PEBP4: variants seen among roughly 807,000 people sequenced by gnomAD.
PEBP4 encodes the protein phosphatidylethanolamine binding protein 4, also known as phosphatidylethanolamine-binding protein 4.
A neutral mutation model predicts 23.9 loss-of-function variants in PEBP4; 22 were observed. The observed-to-expected ratio is 0.92, with a 90% CI of 0.66 to 1.31. The LOEUF is 1.31. PEBP4 is among the 40% of genes most tolerant of loss of function. PEBP4 has a pLI of 0.00. For missense variants in PEBP4, 324 were observed against 281.7 expected (o/e 1.15, Z -1.07); for synonymous variants, 112 against 99.3 (o/e 1.13, Z -0.76).
At chr8:22,924,215 T>A (rs1328796287) in intron 2 of PEBP4, among the ~76,000 whole-genome samples, 1 of 151,830 alleles carries the variant, frequency 6.6e-6, no homozygotes, top group Non-Finnish European at 1.5e-5. Flanking sequence ...AATAAGAAAC[T>A]TAGCCAGGTG....
chr8:22,783,971 GA>G (rs35422246), intron 4 of PEBP4, among the ~76,000 whole-genome samples: 14,168 of 152,276 alleles, frequency 0.093, 774 homozygotes, highest in African/African-American at 0.14. Context: ...ACCAGGAGGG[GA>G]AGAGATCACT....
intron 1 of PEBP4, among the ~76,000 whole-genome samples, chr8:22,935,859 G>C (rs2128783338): frequency 6.6e-6 from 1 of 152,144 alleles, no homozygotes; most frequent in Middle Eastern, 3.4e-3. Context: ...TTTTCGATAA[G>C]GGAAACAACT....
At chr8:22,765,116 T>C (rs367863982) in intron 4 of PEBP4, among the ~76,000 whole-genome samples, 23 of 145,008 alleles carry the variant, frequency 1.6e-4, no homozygotes, top group South Asian at 6.8e-4. Context: ...TTCCTTTATT[T>C]CTTCCTTCCT....
At chr8:22,789,372 G>A (rs1231963275) in intron 4 of PEBP4, among the ~76,000 whole-genome samples, 1 of 152,068 alleles carries the variant, frequency 6.6e-6, no homozygotes, top group East Asian at 1.9e-4. Context: ...AGCTCCTAGG[G>A]AAGTCTAGAC....
rs117566432 is a variant in PEBP4, at chr8:22,881,370, C to G, written c.258+38814G>C. 4.1e-3 allele frequency among the ~76,000 whole-genome samples: 629 copies of G among 152,298 alleles called. 1 individual carries two copies. Among genetic ancestry groups the G allele is most frequent in the Non-Finnish European group, 6.9e-3 (472 of 68,030 alleles). ...GTCCAAGGCTGGCCAACTTACAGACCTGGATGCAGACAGGCCAGAGCCCCT... is the reference window on the plus strand; with the variant it reads ...GTCCAAGGCTGGCCAACTTACAGACGTGGATGCAGACAGGCCAGAGCCCCT... On this transcript the variant is annotated intron_variant, in intron 3 of 6. Transcript: ENST00000256404.
intron 3 of PEBP4, among the ~76,000 whole-genome samples, chr8:22,909,631 GTGTACTGCAGGT>G (rs1025146950): frequency 1.3e-5 from 2 of 152,160 alleles, no homozygotes; most frequent in African/African-American, 4.8e-5. Flanking sequence ...GATGTTCGGG[GTGTACTGCAGGT>G]TGCTCTCCAC....
At chr8:22,848,390 G>C (rs1039253130) in intron 3 of PEBP4, among the ~76,000 whole-genome samples, 1 of 152,032 alleles carries the variant, frequency 6.6e-6, no homozygotes, top group Non-Finnish European at 1.5e-5. Flanking sequence ...TGGTGGCGAT[G>C]TGGGCTGTGC....
At chr8:22,772,495 T>TC (rs1563211371) in intron 4 of PEBP4, among the ~76,000 whole-genome samples, 5 of 95,500 alleles carry the variant, frequency 5.2e-5, no homozygotes, top group African/African-American at 2.0e-4. Flanking sequence ...CTCTCTCTCT[T>TC]TTTTTTTTTT....
At chr8:22,904,703 A>C (rs1808777124) in intron 3 of PEBP4, among the ~76,000 whole-genome samples, 2 of 152,252 alleles carry the variant, frequency 1.3e-5, no homozygotes, top group African/African-American at 4.8e-5. Flanking sequence ...AAAGATATAA[A>C]TTTTTGAAAA....
In PEBP4 at chr8:22,763,806, T is replaced by C. The variant is rs116311604; in HGVS notation, c.358-36586A>G. Reference sequence around the variant, plus strand: ...GGTTGTAGTTCTGTCTGGGGCCCCATGGAAGAAGATTAATTTTTCTCCTAC... The same window carrying C: ...GGTTGTAGTTCTGTCTGGGGCCCCACGGAAGAAGATTAATTTTTCTCCTAC... On this transcript the variant is annotated intron_variant, in intron 4 of 6. Coordinates refer to ENST00000256404, the MANE Select transcript of PEBP4 (RefSeq NM_144962.3). Among the ~76,000 whole-genome samples the C allele has an allele frequency of 1.4e-3, 213 of 152,280 alleles. 1 individual carries two copies. The highest frequency in any genetic ancestry group is 4.4e-3 in the African/African-American group (183 of 41,558).
intron 3 of PEBP4, among the ~76,000 whole-genome samples, chr8:22,859,878 G>T (rs1034271429): frequency 6.6e-6 from 1 of 151,590 alleles, no homozygotes; most frequent in Non-Finnish European, 1.5e-5. Flanking sequence ...ATTGTCTTTG[G>T]GAGGCTGAGG....
At chr8:22,832,009 T>C (rs1307861713) in intron 3 of PEBP4, among the ~76,000 whole-genome samples, 1 of 151,690 alleles carries the variant, frequency 6.6e-6, no homozygotes, top group African/African-American at 2.4e-5. Flanking sequence ...GGCTGGATTG[T>C]AGAGAGAGAA....
At chr8:22,808,638 G>A (rs1806551652) in intron 4 of PEBP4, among the ~76,000 whole-genome samples, 1 of 152,218 alleles carries the variant, frequency 6.6e-6, no homozygotes, top group Non-Finnish European at 1.5e-5. Flanking sequence ...TCTGAGCTGG[G>A]CCTTGAAGTA....
In PEBP4 at chr8:22,741,308, C is replaced by T. The variant is rs180801052; in HGVS notation, c.358-14088G>A. ...GTGTCCCTGCCTGCCTTCGTCAACC[C>T]AGATTCATTTGTCTGAGCCAACGGA... On this transcript the variant is annotated intron_variant, in intron 4 of 6. Coordinates refer to ENST00000256404, the MANE Select transcript of PEBP4 (RefSeq NM_144962.3). Among the ~76,000 whole-genome samples the T allele has an allele frequency of 3.9e-5, 6 of 152,338 alleles. No homozygotes were observed. In the East Asian group the frequency reaches 1.2e-3, roughly 29 times the overall value.
chr8:22,728,458 G>C (rs1196551378), intron 4 of PEBP4, among the ~76,000 whole-genome samples: 1 of 152,130 alleles, frequency 6.6e-6, no homozygotes, highest in Non-Finnish European at 1.5e-5. Context: ...CGAGCCCCTT[G>C]TACTTTGTCT....
chr8:22,934,309 G>C (rs1057205834), intron 1 of PEBP4, among the ~76,000 whole-genome samples: 1 of 152,154 alleles, frequency 6.6e-6, no homozygotes, highest in Non-Finnish European at 1.5e-5. Context: ...AACACAAAAT[G>C]GGGGGCACGG....
intron 4 of PEBP4, among the ~76,000 whole-genome samples, chr8:22,760,439 A>G (rs1805483767): frequency 6.6e-6 from 1 of 152,208 alleles, no homozygotes; most frequent in South Asian, 2.1e-4. Context: ...GCCTTAGAAC[A>G]TAGCACATAG....
intron 3 of PEBP4, among the ~76,000 whole-genome samples, chr8:22,881,726 A>G (rs1239166216): frequency 6.6e-6 from 1 of 152,228 alleles, no homozygotes. Flanking sequence ...CCAGTCCTAC[A>G]TGGATGATCC....
At chr8:22,917,161 G>C (rs1183027413) in intron 3 of PEBP4, among the ~76,000 whole-genome samples, 2 of 151,990 alleles carry the variant, frequency 1.3e-5, no homozygotes, top group African/African-American at 4.8e-5. Context: ...TCCAATGGCA[G>C]TCACTGCTTT....
Sources: gnomAD v4.1 joint callset for allele counts (sites outside exome capture counted in the v4.1 genomes callset) on GRCh38, gnomAD v4.1.1 for gene constraint, MANE v1.5 for transcripts, NCBI Gene and HGNC (gene_info 2026-07-23, HGNC 2026-07-21) for gene names.